CHIT1: variants seen among roughly 807,000 people sequenced by gnomAD.
CHIT1 encodes chitinase 1, also known as chitotriosidase-1.
Under a neutral mutation model 52.0 loss-of-function variants are expected in CHIT1, and 47 were observed. The ratio of observed to expected loss-of-function variants is 0.90; its 90% CI spans 0.71 to 1.15. The LOEUF (loss-of-function observed/expected upper bound fraction) is 1.15, where lower values mean the gene tolerates loss of function less well. Ranked by LOEUF, CHIT1 falls within the 50% of genes most tolerant of loss-of-function variation. The pLI is 0.00. For synonymous variants in CHIT1, 242 were observed against 228.2 expected (o/e 1.06, Z -0.54); for missense variants, 569 against 583.0 (o/e 0.98, Z 0.25).
chr1:203,218,213 T>TGGTGAA, intron 9 of CHIT1: 1 of 704,740 alleles, frequency 1.4e-6, no homozygotes, highest in Non-Finnish European at 2.1e-6. Context: ...TATTGTATGC[T>TGGTGAA]GGTCAAGGTC....
intron 2 of CHIT1, 96 bp downstream of exon 2, chr1:203,228,437 C>T: frequency 7.6e-7 from 1 of 1,315,464 alleles, no homozygotes; most frequent in Non-Finnish European, 1.1e-6. Context: ...CCACTGAAAT[C>T]TGGAGCTCTT....
In CHIT1 at chr1:203,225,815, C is replaced by T. The variant is rs762292613; in HGVS notation, c.111G>A (p.Gly37=). Residue 37 remains glycine, a synonymous_variant, in exon 3 of 11, where the codon GGG becomes GGA. Coordinates refer to ENST00000367229, the MANE Select transcript of CHIT1 (RefSeq NM_003465.3). ...YFTNWAQYRQ[G]EARFLPKDLD... ...AGTCCTTGGGCAGGAAGCGAGCCTC[C>T]CCCTGTCTGTACTGGGCCCAGTTGG... 34 of 1,614,050 alleles carry T rather than the reference C, an allele frequency of 2.1e-5. No homozygotes were observed. Among genetic ancestry groups the T allele is most frequent in the Non-Finnish European group, 2.8e-5 (33 of 1,180,040 alleles).
rs886045831 is a variant in CHIT1, at chr1:203,216,832, G to A, written c.*57C>T. The A allele has an allele frequency of 1.2e-6, 2 of 1,610,974 alleles. No homozygotes were observed. Among genetic ancestry groups the A allele is most frequent in the Non-Finnish European group, 1.7e-6 (2 of 1,178,940 alleles). ...CCCCCAGGGAAAACCCAGGAGGCAG[G>A]CTGTAGAGTGATCCTGGGCCCAGCC... On this transcript the variant is annotated 3_prime_UTR_variant, in exon 11 of 11. Coordinates refer to ENST00000367229, the MANE Select transcript of CHIT1 (RefSeq NM_003465.3).
chr1:203,228,610 C>G lies in CHIT1; in HGVS notation c.26-48G>C. On this transcript the variant is annotated intron_variant, in intron 1 of 10. Transcript: ENST00000367229. ...GCCAGGGTTATGCTGCCATTCTCAC[C>G]TTCCCAGGCCCCACAGCTTACGGAA... is the stretch of plus-strand genomic sequence containing the variant. The G allele has an allele frequency of 3.9e-6, 6 of 1,556,620 alleles. No individual in the cohort carries two copies. In the South Asian group the frequency reaches 5.9e-5, roughly 15 times the overall value.
intron 7 of CHIT1, among the ~76,000 whole-genome samples, chr1:203,220,781 G>A (rs1399526577): frequency 3.9e-5 from 6 of 152,132 alleles, no homozygotes; most frequent in East Asian, 1.9e-4. Flanking sequence ...GGCAGAAGTC[G>A]GGGCTTCTCC....
chr1:203,223,009 T>C (rs3820145), intron 6 of CHIT1, 126 bp downstream of exon 6: 252,561 of 1,270,640 alleles, frequency 0.2, 26,534 homozygotes, highest in East Asian at 0.33. Flanking sequence ...TTTGTTCTGG[T>C]GTAAGGATGG....
chr1:203,221,535 C>A (rs10920585), intron 7 of CHIT1, among the ~76,000 whole-genome samples: 3,713 of 152,132 alleles, frequency 0.024, 158 homozygotes, highest in East Asian at 0.13. Context: ...GCAGGAGGAT[C>A]GCTTAAGCCT....
At chr1:203,219,893 G>A in intron 7 of CHIT1, 44 bp from the exon 8 acceptor site, 1 of 1,605,842 alleles carries the variant, frequency 6.2e-7, no homozygotes, top group Non-Finnish European at 8.5e-7. Context: ...CCTCAGCCTG[G>A]TTCTGATTAT....
chr1:203,217,621 G>C, intron 10 of CHIT1, 118 bp downstream of exon 10: 1 of 1,508,988 alleles, frequency 6.6e-7, no homozygotes, highest in Non-Finnish European at 9.1e-7. Flanking sequence ...GGAAATTACA[G>C]TATTGGGGCA....
In CHIT1 at chr1:203,216,944, C is replaced by T; in HGVS notation, c.1346G>A (p.Ser449Asn). 1 of 1,614,182 alleles carries T rather than the reference C, an allele frequency of 6.2e-7. No individual in the cohort carries two copies. The highest frequency in any genetic ancestry group is 8.5e-7 in the Non-Finnish European group (1 of 1,179,994). The change falls in exon 11 of 11, where the codon AGC becomes AAC. Residue 449 changes from serine to asparagine, a missense_variant. Transcript: ENST00000367229. ...GCTGAACACCAGGCCTGTCGGGCAG[C>T]TTTGCTGGAACAGCCGCCCCGCTGC... Reference protein sequence around the residue: ...SCAAGRLFQQSCPTGLVFSNS... With the variant: ...SCAAGRLFQQNCPTGLVFSNS...
chr1:203,220,026 AC>A lies in CHIT1; in HGVS notation c.730-178del, dbSNP rs1656678737. Among the ~76,000 whole-genome samples the A allele has an allele frequency of 2.0e-5, 3 of 152,086 alleles. No homozygotes were observed. In the South Asian group the frequency reaches 6.2e-4, roughly 32 times the overall value. On this transcript the variant is annotated intron_variant, in intron 7 of 10. Transcript: ENST00000367229. ...CTTTAGAGCCTGCCTTAGACCCGTG[AC>A]CCCAGTGAAGAAGCTGCATGGCATG...
rs758988611 is a variant in CHIT1, at chr1:203,228,520, A to G, written c.55+13T>C. On this transcript the variant is annotated intron_variant, in intron 2 of 10. Coordinates refer to ENST00000367229, the MANE Select transcript of CHIT1 (RefSeq NM_003465.3). ...GGGAAGGGGCTGAGGCAGCCAAGAA[A>G]GAGGCTACTTACCCCATGGGATCAT... is the stretch of plus-strand genomic sequence containing the variant. The G allele has an allele frequency of 6.3e-7, 1 of 1,586,878 alleles. No homozygotes were observed. Among genetic ancestry groups the G allele is most frequent in the Non-Finnish European group, 8.6e-7 (1 of 1,164,426 alleles).
Position 203,216,738 on chromosome 1 carries a change from G to A in CHIT1, c.*151C>T, listed in dbSNP as rs1413330637. 1 of 1,047,216 alleles carries A rather than the reference G, an allele frequency of 9.5e-7. No homozygotes were observed. The highest frequency in any genetic ancestry group is 1.5e-6 in the Non-Finnish European group (1 of 688,556). 64.9% of individuals were successfully genotyped at this position (1,047,216 alleles called of 1,614,324 possible). ...GCCCAGGAGACCCAGAAAAAAGGAA[G>A]GCAAGGCTGAGAGCAGAAAGCCTGG... On this transcript the variant is annotated 3_prime_UTR_variant, in exon 11 of 11. Coordinates refer to ENST00000367229, the MANE Select transcript of CHIT1 (RefSeq NM_003465.3).
rs747041181 is a variant in CHIT1 at position 203,219,260 on chromosome 1, T to A, written c.985A>T (p.Asn329Tyr). ...DQKVPYIFRD[N>Y]QWVGFDDVES... ...ACATCATCAAAGCCCACCCACTGGT[T>A]GTCCCGGAAGATGTAGGGCACCTTC... The change falls in exon 9 of 11, where the codon AAC becomes TAC. Residue 329 changes from asparagine to tyrosine, a missense_variant. Asn to Tyr is a moderately radical substitution (Grantham distance 143, BLOSUM62 -2). Coordinates refer to ENST00000367229, the MANE Select transcript of CHIT1 (RefSeq NM_003465.3). 8 of 1,603,666 alleles carry A rather than the reference T, an allele frequency of 5.0e-6. No individual in the cohort carries two copies. The South Asian group carries it at 8.8e-5, about 18-fold the overall frequency.
At chr1:203,225,596 T>G (rs1571849837) in intron 3 of CHIT1, 73 bp downstream of exon 3, 2 of 1,459,232 alleles carry the variant, frequency 1.4e-6, no homozygotes, top group Non-Finnish European at 1.9e-6. Flanking sequence ...GCTGGAGAGG[T>G]GTCTGGCTCT....
chr1:203,228,317 C>T (rs1229344576), intron 2 of CHIT1, among the ~76,000 whole-genome samples: 4 of 152,182 alleles, frequency 2.6e-5, no homozygotes, highest in Non-Finnish European at 5.9e-5. Context: ...GCAAGCTGGC[C>T]CCACAGATGT....
chr1:203,224,674 G>C (rs149345807), intron 4 of CHIT1, among the ~76,000 whole-genome samples: 2,340 of 152,194 alleles, frequency 0.015, 30 homozygotes, highest in Middle Eastern at 0.044. Context: ...ACTCTTTCTG[G>C]GACAAGGTAC....
intron 7 of CHIT1, among the ~76,000 whole-genome samples, chr1:203,220,446 A>T (rs945249901): frequency 6.6e-6 from 1 of 152,204 alleles, no homozygotes; most frequent in Non-Finnish European, 1.5e-5. Context: ...ATGACACCTG[A>T]TGCTCAGATA....
At chr1:203,226,641 T>A (rs1656941112) in intron 2 of CHIT1, among the ~76,000 whole-genome samples, 1 of 152,034 alleles carries the variant, frequency 6.6e-6, no homozygotes, top group Non-Finnish European at 1.5e-5. Context: ...GGAGAAGGCA[T>A]CTTGTCTCTA....
Sources: allele counts gnomAD v4.1 joint callset (sites outside exome capture counted in the v4.1 genomes callset), GRCh38; gene constraint gnomAD v4.1.1; transcripts MANE v1.5; gene names NCBI Gene and HGNC (gene_info 2026-07-23, HGNC 2026-07-21).